Variants in SLC22A3 observed in about 807,000 individuals in gnomAD.
The protein encoded by SLC22A3 is EMT organic cation transporter 3.
Under a neutral mutation model 59.1 loss-of-function variants are expected in SLC22A3, and 51 were observed. The observed-to-expected ratio is 0.86, with a 90% CI of 0.69 to 1.09. The LOEUF is 1.09. SLC22A3 is among the 50% of genes least tolerant of loss of function. SLC22A3 has a pLI of 0.00. For synonymous variants in SLC22A3, 325 were observed against 292.0 expected, an observed-to-expected ratio of 1.11 and a Z score of -1.15; for missense variants, 711 against 726.3, an observed-to-expected ratio of 0.98 and a Z score of 0.24.
intron 1 of SLC22A3, among the ~76,000 whole-genome samples, chr6:160,361,274 C>T (rs1466909133): frequency 6.6e-6 from 1 of 152,056 alleles, no homozygotes; most frequent in East Asian, 1.9e-4. Flanking sequence ...ACTTAAATGT[C>T]AAAGTAAAAG....
intron 8 of SLC22A3, 113 bp downstream of exon 8, chr6:160,442,982 T>A: frequency 1.2e-6 from 1 of 804,084 alleles, no homozygotes; most frequent in Non-Finnish European, 2.1e-6. Context: ...TATATTAGCC[T>A]AGGCTGAATC....
chr6:160,439,573 T>C (rs992826465), intron 7 of SLC22A3, among the ~76,000 whole-genome samples: 1 of 152,242 alleles, frequency 6.6e-6, no homozygotes, highest in African/African-American at 2.4e-5. Flanking sequence ...GTCATATAAC[T>C]ATTTTGTAGA....
chr6:160,377,225 C>G (rs1785628318), intron 1 of SLC22A3, among the ~76,000 whole-genome samples: 1 of 152,194 alleles, frequency 6.6e-6, no homozygotes. Flanking sequence ...TGGCTCACAC[C>G]TGTAATTCCA....
In SLC22A3 at chr6:160,440,852, G is replaced by A. The variant is rs115678617; in HGVS notation, c.1289-1909G>A. ...TCTTTCAGATTAAGGTCAATGTTCC[G>A]GACAGACCACATCTCCACAAATGGG... On this transcript the variant is annotated intron_variant, in intron 7 of 10. Transcript: ENST00000275300. Among the ~76,000 whole-genome samples, 1,154 of 152,102 alleles carry A rather than the reference G, an allele frequency of 7.6e-3. 16 individuals carry two copies. Among genetic ancestry groups the A allele is most frequent in the African/African-American group, 0.026 (1,081 of 41,470 alleles).
intron 5 of SLC22A3, among the ~76,000 whole-genome samples, chr6:160,421,950 C>T (rs1456343972): frequency 6.6e-6 from 1 of 152,170 alleles, no homozygotes; most frequent in Non-Finnish European, 1.5e-5. Flanking sequence ...CTGTGCTTCT[C>T]GACTGTGGAT....
At position 160,410,683 on chromosome 6, in the gene SLC22A3, T is replaced by C. The variant is rs554865974; in HGVS notation, c.858-46T>C. 16 of 1,226,064 alleles carry C rather than the reference T, an allele frequency of 1.3e-5. No individual in the cohort carries two copies. The East Asian group carries it at 3.5e-4, about 27-fold the overall frequency. 75.9% of individuals were successfully genotyped at this position (1,226,064 alleles called of 1,614,324 possible). A position where few individuals can be genotyped will look rare whatever the true frequency, so the allele number is the denominator to read the frequency against. ...AAACTCAAGGCAATAGATTTTAGCG[T>C]TTGAAATTCCTAGACATAACTCACA... is the stretch of plus-strand genomic sequence containing the variant. On this transcript the variant is annotated intron_variant, in intron 4 of 10. Transcript: ENST00000275300.
chr6:160,400,680 A>T (rs1167248113), intron 2 of SLC22A3, among the ~76,000 whole-genome samples: 2 of 146,474 alleles, frequency 1.4e-5, no homozygotes, highest in African/African-American at 5.1e-5. Flanking sequence ...ACACACACAC[A>T]GTTGAAGAGA....
intron 1 of SLC22A3, among the ~76,000 whole-genome samples, chr6:160,379,223 A>T (rs374887884): frequency 5.8e-4 from 88 of 152,268 alleles, no homozygotes; most frequent in African/African-American, 1.8e-3. Flanking sequence ...TGAGGTTTTT[A>T]AAAAATGTAC....
chr6:160,365,487 A>G (rs1239061556), intron 1 of SLC22A3, among the ~76,000 whole-genome samples: 1 of 152,170 alleles, frequency 6.6e-6, no homozygotes, highest in African/African-American at 2.4e-5. Flanking sequence ...GTAGGGCCTG[A>G]AAATTTGCAT....
chr6:160,412,390 A>C (rs1229697115), intron 5 of SLC22A3, among the ~76,000 whole-genome samples: 1 of 152,010 alleles, frequency 6.6e-6, no homozygotes, highest in Non-Finnish European at 1.5e-5. Flanking sequence ...TGTTGGTTCT[A>C]TTGTCCCCTC....
intron 5 of SLC22A3, among the ~76,000 whole-genome samples, chr6:160,428,645 T>C (rs922428394): frequency 1.3e-5 from 2 of 152,248 alleles, no homozygotes; most frequent in Non-Finnish European, 2.9e-5. Flanking sequence ...TTATGTTTTT[T>C]AATGTGGCCA....
At chr6:160,430,525 A>G (rs1419878727) in intron 5 of SLC22A3, among the ~76,000 whole-genome samples, 2 of 152,344 alleles carry the variant, frequency 1.3e-5, no homozygotes, top group Non-Finnish European at 2.9e-5. Context: ...AATCAAAGAA[A>G]GACGAATAAA....
At chr6:160,368,636 C>T (rs148165022) in intron 1 of SLC22A3, among the ~76,000 whole-genome samples, 1 of 152,286 alleles carries the variant, frequency 6.6e-6, no homozygotes, top group African/African-American at 2.4e-5. Flanking sequence ...AGTGTGGTCT[C>T]CATCATCCCC....
At chr6:160,417,153 T>G (rs1214522557) in intron 5 of SLC22A3, among the ~76,000 whole-genome samples, 2 of 152,226 alleles carry the variant, frequency 1.3e-5, no homozygotes, top group Non-Finnish European at 2.9e-5. Flanking sequence ...GTGTCAGGCT[T>G]GGCCACCTGA....
At position 160,436,857 on chromosome 6, in the gene SLC22A3, A is replaced by G. The variant is rs760511764; in HGVS notation, c.1053A>G (p.Thr351=). The G allele has an allele frequency of 1.2e-6, 2 of 1,613,868 alleles. No individual in the cohort carries two copies. Among genetic ancestry groups the G allele is most frequent in the South Asian group, 2.2e-5 (2 of 91,086 alleles). The change falls in exon 6 of 11, where the codon ACA becomes ACG. Residue 351 remains threonine (T), a synonymous_variant. Coordinates refer to ENST00000275300, the MANE Select transcript of SLC22A3 (RefSeq NM_021977.4). ...LVRTPQMRKC[T]LILMFAWFTS... is the part of the protein sequence containing the mutation. ...GAACTCCCCAAATGAGGAAATGCAC[A>G]CTTATTCTTATGTTTGCTTGGTAAG...
intron 2 of SLC22A3, among the ~76,000 whole-genome samples, chr6:160,398,538 A>G (rs1030449745): frequency 6.6e-6 from 1 of 152,252 alleles, no homozygotes; most frequent in East Asian, 1.9e-4. Context: ...CTACAAATGT[A>G]AAACTCTGTG....
intron 1 of SLC22A3, among the ~76,000 whole-genome samples, chr6:160,383,329 C>T (rs1171968989): frequency 1.3e-5 from 2 of 152,154 alleles, no homozygotes; most frequent in East Asian, 3.8e-4. Flanking sequence ...CTCCAACTCA[C>T]CCCAATTTCC....
intron 1 of SLC22A3, among the ~76,000 whole-genome samples, chr6:160,382,988 G>A (rs1172384553): frequency 6.6e-6 from 1 of 152,044 alleles, no homozygotes; most frequent in African/African-American, 2.4e-5. Context: ...TTTAAAAATG[G>A]CCCAATCTTA....
intron 1 of SLC22A3, among the ~76,000 whole-genome samples, chr6:160,395,558 T>C (rs1181009619): frequency 2.0e-5 from 3 of 152,250 alleles, no homozygotes; most frequent in African/African-American, 4.8e-5. Context: ...AGAATAACTA[T>C]GCCTGCTTAA....
Sources: gnomAD v4.1 joint callset for allele counts (sites outside exome capture counted in the v4.1 genomes callset) on GRCh38, gnomAD v4.1.1 for gene constraint, MANE v1.5 for transcripts, NCBI Gene and HGNC (gene_info 2026-07-23, HGNC 2026-07-21) for gene names.